LUZP1: variants seen among roughly 807,000 people sequenced by gnomAD.
The protein encoded by LUZP1 is filamin mechanobinding actin cross-linking protein.
In LUZP1, 25 loss-of-function variants were observed where a neutral mutation model predicts 71.3. The ratio of observed to expected loss-of-function variants is 0.35; its 90% confidence interval spans 0.26 to 0.49. The LOEUF is 0.49. Ranked by LOEUF, LUZP1 falls within the 20% of genes least tolerant of loss-of-function variation. The pLI, the probability that LUZP1 is intolerant of heterozygous loss-of-function variation, is 0.99. For missense variants in LUZP1, 1,142 were observed against 1,300.8 expected, an observed-to-expected ratio of 0.88 and a Z score of 1.88; for synonymous variants, 481 against 506.4, an observed-to-expected ratio of 0.95 and a Z score of 0.67.
At chr1:23,114,495 A>C (rs1370548078) in intron 2 of LUZP1, among the ~76,000 whole-genome samples, 1 of 152,230 alleles carries the variant, frequency 6.6e-6, no homozygotes, top group Non-Finnish European at 1.5e-5. Context: ...AGGTGGTTTT[A>C]AAAGCAGCTT....
At chr1:23,151,056 T>C (rs986680692) in intron 2 of LUZP1, among the ~76,000 whole-genome samples, 2 of 152,152 alleles carry the variant, frequency 1.3e-5, no homozygotes, top group African/African-American at 2.4e-5. Flanking sequence ...TGTTTGTTTA[T>C]TTTTTTAGGC....
Position 23,160,194 on chromosome 1 carries a change from T to A in LUZP1, c.-226+8572A>T, listed in dbSNP as rs77617454. On this transcript the variant is annotated intron_variant, in intron 2 of 4. Transcript: ENST00000302291. ...ATTTAAATTTGCATTTAAATTGGCT[T>A]ATAGAACATTCTTCTGCCTTTAACA... Among the ~76,000 whole-genome samples, 686 of 152,356 alleles carry A rather than the reference T, an allele frequency of 4.5e-3. 8 individuals are homozygous for A. The highest frequency in any genetic ancestry group is 0.039 in the East Asian group (202 of 5,196).
At chr1:23,091,569 G>C (rs1276734930) in exon 4 of LUZP1, 2 of 1,614,132 alleles carry the variant, frequency 1.2e-6, no homozygotes, top group Admixed American at 1.7e-5. Flanking sequence ...CCACCTGATT[G>C]TCTCCGCTGG....
chr1:23,143,999 C>T (rs1644324456), intron 2 of LUZP1, among the ~76,000 whole-genome samples: 1 of 152,174 alleles, frequency 6.6e-6, no homozygotes, highest in South Asian at 2.1e-4. Flanking sequence ...ATCCAATATG[C>T]TTTGATTGTT....
At chr1:23,120,741 G>C (rs945561543) in intron 2 of LUZP1, among the ~76,000 whole-genome samples, 4 of 152,078 alleles carry the variant, frequency 2.6e-5, no homozygotes, top group African/African-American at 9.7e-5. Context: ...GACCCCATAA[G>C]GATATTATCA....
Position 23,094,052 on chromosome 1 carries a change from C to G in LUZP1, c.210G>C (p.Gln70His), listed in dbSNP as rs1643879676. ...CTTTGCCTTCAATTCTCAGCACCCG[C>G]TGGCGCAGCACTTCAATCTCCGCCA... The change falls in exon 4 of 5, where the codon CAG becomes CAC. Residue 70 changes from glutamine to histidine, a missense_variant. Coordinates refer to ENST00000302291, the Ensembl canonical transcript of LUZP1. The surrounding 1 kb of genome is among the most constrained non-coding windows in gnomAD (Gnocchi z 4.7). 1.2e-6 allele frequency: 2 copies of G among 1,614,246 alleles called. No homozygotes were observed. The highest frequency in any genetic ancestry group is 1.7e-6 in the Non-Finnish European group (2 of 1,180,046).
At chr1:23,087,258 G>A (rs1251975854) in exon 5 of LUZP1, 1 of 152,088 alleles carries the variant, frequency 6.6e-6, no homozygotes, top group African/African-American at 2.4e-5. Context: ...ATCCCCATGA[G>A]ATTAAAACAT....
chr1:23,154,569 G>A (rs1162608044), intron 2 of LUZP1, among the ~76,000 whole-genome samples: 4 of 151,624 alleles, frequency 2.6e-5, no homozygotes, highest in African/African-American at 9.7e-5. Context: ...TTGAGACGGA[G>A]TCTTGCTCTG....
intron 2 of LUZP1, among the ~76,000 whole-genome samples, chr1:23,125,610 A>C (rs1158470751): frequency 1.3e-5 from 2 of 152,218 alleles, no homozygotes; most frequent in East Asian, 3.8e-4. Context: ...AGCATTCTCC[A>C]TTCAGAGGCT....
rs1309556828 is a variant in LUZP1, at chr1:23,117,523, G to GC, written c.-225-8397_-225-8396insG. Among the ~76,000 whole-genome samples the GC allele has an allele frequency of 1.7e-4, 14 of 84,152 alleles. 1 individual carries two copies. The highest frequency in any genetic ancestry group is 8.1e-4 in the African/African-American group (14 of 17,380). 55.2% of individuals were successfully genotyped at this position (84,152 alleles called of 152,430 possible). On this transcript the variant is annotated intron_variant, in intron 2 of 4. Coordinates refer to ENST00000302291, the Ensembl canonical transcript of LUZP1. ...AGGAAGCCCTGGGGGGGGGGGCGGGGGGGGGGAACACCTTGAGAAAGTAAC... is the reference window on the plus strand; with the variant it reads ...AGGAAGCCCTGGGGGGGGGGGCGGGGCGGGGGGAACACCTTGAGAAAGTAAC...
chr1:23,090,785 C>G (rs1268759926), intron 4 of LUZP1: 1 of 704,994 alleles, frequency 1.4e-6, no homozygotes, highest in African/African-American at 1.8e-5. Context: ...TCACTGTGCC[C>G]TACAGAAAGG....
rs370900179 is a variant in LUZP1, at chr1:23,091,248, C to T, written c.3014G>A (p.Arg1005His). 3.3e-5 allele frequency: 54 copies of T among 1,613,676 alleles called. No homozygotes were observed. The highest frequency in any genetic ancestry group is 9.3e-5 in the African/African-American group (7 of 74,890). The change falls in exon 4 of 5, where the codon CGT becomes CAT. Residue 1005 changes from arginine to histidine, a missense_variant. Transcript: ENST00000302291. ...GATGGTGTCTCCTACCCGATTCCGA[C>T]GGGTAAGCACCTCTGACACAGTGAG...
exon 5 of LUZP1, chr1:23,086,700 G>C (rs1320805274): frequency 1.3e-5 from 2 of 152,666 alleles, no homozygotes; most frequent in Non-Finnish European, 2.9e-5. Flanking sequence ...GAAGGAGAAT[G>C]GCAGGGAGGC....
At chr1:23,119,344 G>A (rs1644112516) in intron 2 of LUZP1, among the ~76,000 whole-genome samples, 1 of 135,196 alleles carries the variant, frequency 7.4e-6, no homozygotes, top group Non-Finnish European at 1.5e-5. Flanking sequence ...CTATAACCTC[G>A]AACTCCTGGG....
intron 3 of LUZP1, among the ~76,000 whole-genome samples, chr1:23,096,299 C>A (rs1184661033): frequency 1.3e-5 from 2 of 151,916 alleles, no homozygotes; most frequent in Non-Finnish European, 2.9e-5. Flanking sequence ...AAGAGCAGCA[C>A]AGAGTTAAAA....
intron 3 of LUZP1, among the ~76,000 whole-genome samples, chr1:23,105,298 C>A (rs935402455): frequency 6.6e-6 from 1 of 151,852 alleles, no homozygotes. Context: ...CTGATAGCCA[C>A]AGTACCAATT....
chr1:23,110,216 A>G (rs777356092), intron 2 of LUZP1, among the ~76,000 whole-genome samples: 3 of 152,124 alleles, frequency 2.0e-5, no homozygotes, highest in Non-Finnish European at 4.4e-5. Context: ...GAACCACCCA[A>G]TATCAATTAA....
chr1:23,089,146 C>G, intron 4 of LUZP1, 93 bp from the exon 4 acceptor site: 1 of 1,239,106 alleles, frequency 8.1e-7, no homozygotes, highest in Non-Finnish European at 1.2e-6. Context: ...CCTTTCCAAC[C>G]CAGCAGAGGC....
rs559435723 is a variant in LUZP1 at position 23,117,358 on chromosome 1, A to G, written c.-225-8231T>C. 4.6e-5 allele frequency among the ~76,000 whole-genome samples: 7 copies of G among 151,278 alleles called. 1 individual carries two copies. The South Asian group carries it at 1.3e-3, about 27-fold the overall frequency. ...TTGTAAGGATTATATAAAAATATAC[A>G]TTAAATGCCTAAGCACATAATGCCT... On this transcript the variant is annotated intron_variant, in intron 2 of 4. Transcript: ENST00000302291.
Sources: allele counts gnomAD v4.1 joint callset (sites outside exome capture counted in the v4.1 genomes callset), GRCh38; gene constraint gnomAD v4.1.1; non-coding constraint Gnocchi (gnomAD v3.1); transcripts MANE v1.5; gene names NCBI Gene and HGNC (gene_info 2026-07-23, HGNC 2026-07-21).